ZDHHC13: variants seen among roughly 807,000 people sequenced by gnomAD.
The protein encoded by ZDHHC13 is palmitoyltransferase ZDHHC13.
In ZDHHC13, 85 loss-of-function variants were observed where a neutral mutation model predicts 86.0. That is an observed-to-expected ratio of 0.99 (90% CI 0.83 to 1.18). The LOEUF is 1.18. ZDHHC13 is among the 50% of genes most tolerant of loss of function. The probability of loss-of-function intolerance (pLI) is 0.00; values close to 1 mark genes in which losing one functional copy is unlikely to be tolerated. For synonymous variants in ZDHHC13, 263 were observed against 246.4 expected (o/e 1.07, Z -0.63); for missense variants, 711 against 730.2 (o/e 0.97, Z 0.30).
At chr11:19,122,790 T>A (rs1319153244) in intron 1 of ZDHHC13, among the ~76,000 whole-genome samples, 3 of 152,184 alleles carry the variant, frequency 2.0e-5, no homozygotes, top group Admixed American at 6.5e-5. Context: ...AGATAAAAAA[T>A]TATTATAATA....
intron 1 of ZDHHC13, among the ~76,000 whole-genome samples, chr11:19,123,542 G>A (rs1050526218): frequency 8.5e-5 from 13 of 152,070 alleles, no homozygotes; most frequent in African/African-American, 3.1e-4. Context: ...TACCTACTAC[G>A]GTGGGTCAGG....
At chr11:19,119,595 C>G (rs1477247383) in intron 1 of ZDHHC13, among the ~76,000 whole-genome samples, 4 of 152,188 alleles carry the variant, frequency 2.6e-5, no homozygotes, top group Non-Finnish European at 5.9e-5. Flanking sequence ...AAATTGCAAG[C>G]CTTTTCCATC....
At chr11:19,124,512 A>G (rs1848828678) in intron 1 of ZDHHC13, among the ~76,000 whole-genome samples, 1 of 152,142 alleles carries the variant, frequency 6.6e-6, no homozygotes, top group South Asian at 2.1e-4. Flanking sequence ...ATTCTAGTAA[A>G]AATTTTTTAT....
chr11:19,157,962 A>G (rs1212515179), intron 9 of ZDHHC13, among the ~76,000 whole-genome samples: 2 of 152,198 alleles, frequency 1.3e-5, no homozygotes, highest in African/African-American at 4.8e-5. Flanking sequence ...AGGAGTGGAC[A>G]TGTAGTGGTA....
intron 1 of ZDHHC13, among the ~76,000 whole-genome samples, chr11:19,128,275 T>C (rs1455574247): frequency 1.3e-5 from 2 of 152,204 alleles, no homozygotes; most frequent in African/African-American, 4.8e-5. Context: ...ATTGGAATGC[T>C]AACGATTTTT....
intron 1 of ZDHHC13, among the ~76,000 whole-genome samples, chr11:19,141,647 C>T (rs906880338): frequency 3.4e-5 from 5 of 147,732 alleles, no homozygotes; most frequent in Admixed American, 6.9e-5. Context: ...ATCCACAGAA[C>T]GGATAATTGA....
At position 19,166,351 on chromosome 11, in the gene ZDHHC13, G is replaced by A; in HGVS notation, c.1440G>A (p.Met480Ile). ...YYIFFLFFLS[M>I]VCGWIIYGSF... The stretch of plus-strand genomic sequence containing the variant: ...TATTCTTCTTGTTTTTCCTTTCCAT[G>A]GTATGTGGCTGGATTATATATGGAT... The change falls in exon 14 of 17, where the codon ATG becomes ATA. Residue 480 changes from methionine (M) to isoleucine (I), a missense_variant. Transcript: ENST00000446113. The A allele has an allele frequency of 6.2e-7, 1 of 1,611,844 alleles. No individual in the cohort carries two copies. The highest frequency in any genetic ancestry group is 8.5e-7 in the Non-Finnish European group (1 of 1,179,274).
intron 14 of ZDHHC13, chr11:19,169,415 A>AAAGAG (rs1850159077): frequency 1.0e-6 from 1 of 985,342 alleles, no homozygotes; most frequent in Admixed American, 6.1e-5. Flanking sequence ...TCAGAGACTT[A>AAAGAG]AAGAGAAAAG....
chr11:19,135,327 A>G (rs1849107016), intron 1 of ZDHHC13, among the ~76,000 whole-genome samples: 2 of 152,190 alleles, frequency 1.3e-5, no homozygotes, highest in African/African-American at 4.8e-5. Context: ...CACCTGGAAA[A>G]TCGGGTCACT....
At chr11:19,151,269 CA>C (rs1400060682) in intron 6 of ZDHHC13, among the ~76,000 whole-genome samples, 1 of 152,060 alleles carries the variant, frequency 6.6e-6, no homozygotes, top group African/African-American at 2.4e-5. Context: ...CAGGCACTTA[CA>C]TATTCAAGTT....
At chr11:19,140,807 A>G (rs1849294980) in intron 1 of ZDHHC13, among the ~76,000 whole-genome samples, 1 of 151,718 alleles carries the variant, frequency 6.6e-6, no homozygotes, top group Non-Finnish European at 1.5e-5. Context: ...TCAGTAAACT[A>G]TTGCAAGAAC....
At chr11:19,144,432 A>AGTGTGTGTGT (rs142248923) in intron 2 of ZDHHC13, among the ~76,000 whole-genome samples, 2 of 143,074 alleles carry the variant, frequency 1.4e-5, no homozygotes, top group African/African-American at 5.1e-5. Context: ...AGAGCTATGG[A>AGTGTGTGTGT]GTGTGTGTGT....
intron 1 of ZDHHC13, among the ~76,000 whole-genome samples, chr11:19,124,514 AT>A (rs1848828878): frequency 6.6e-6 from 1 of 152,080 alleles, no homozygotes; most frequent in Admixed American, 6.6e-5. Flanking sequence ...TCTAGTAAAA[AT>A]TTTTTATATA....
intron 1 of ZDHHC13, among the ~76,000 whole-genome samples, chr11:19,125,119 A>G (rs1221829137): frequency 1.3e-5 from 2 of 152,184 alleles, no homozygotes; most frequent in African/African-American, 2.4e-5. Flanking sequence ...AAATTGATAA[A>G]TTGGACTTTT....
intron 8 of ZDHHC13, among the ~76,000 whole-genome samples, chr11:19,154,086 G>A (rs11025036): frequency 0.053 from 8,090 of 152,002 alleles, 371 homozygotes; most frequent in African/African-American, 0.11. Context: ...TCTTTATGAT[G>A]GCCTATAGGG....
chr11:19,117,489 G>A lies in ZDHHC13; in HGVS notation c.27+213G>A, dbSNP rs958166076. On this transcript the variant is annotated intron_variant, in intron 1 of 16. Transcript: ENST00000446113. The surrounding 1 kb of genome is among the most constrained non-coding windows in gnomAD (Gnocchi z 4.2). ...GAAAAGGCGAGGACTGAGGGGTGAGGGCCCGAGCCGGCCCCTCCAGCCTCC... is the reference window on the plus strand; with the variant it reads ...GAAAAGGCGAGGACTGAGGGGTGAGAGCCCGAGCCGGCCCCTCCAGCCTCC... Among the ~76,000 whole-genome samples the A allele has an allele frequency of 4.6e-5, 7 of 152,190 alleles. No individual in the cohort carries two copies. Among genetic ancestry groups the A allele is most frequent in the Admixed American group, 1.3e-4 (2 of 15,304 alleles).
intron 16 of ZDHHC13, among the ~76,000 whole-genome samples, chr11:19,174,834 A>G (rs762261356): frequency 6.6e-6 from 1 of 152,216 alleles, no homozygotes; most frequent in Non-Finnish European, 1.5e-5. Flanking sequence ...CATGGGAAAA[A>G]TAGAGCCAGA....
intron 9 of ZDHHC13, among the ~76,000 whole-genome samples, chr11:19,158,640 A>C (rs1205924167): frequency 6.6e-6 from 1 of 152,192 alleles, no homozygotes; most frequent in East Asian, 1.9e-4. Flanking sequence ...AATACAAAAG[A>C]TCCATTGAAA....
intron 1 of ZDHHC13, among the ~76,000 whole-genome samples, chr11:19,136,950 C>A (rs574313270): frequency 6.6e-6 from 1 of 151,952 alleles, no homozygotes; most frequent in Non-Finnish European, 1.5e-5. Context: ...AGATACCAGC[C>A]GCTGCAAAAT....
Sources: allele counts gnomAD v4.1 joint callset (sites outside exome capture counted in the v4.1 genomes callset), GRCh38; gene constraint gnomAD v4.1.1; non-coding constraint Gnocchi (gnomAD v3.1); transcripts MANE v1.5; gene names NCBI Gene and HGNC (gene_info 2026-07-23, HGNC 2026-07-21).